Variants in PACRGL observed in about 807,000 individuals in gnomAD.
PACRGL encodes PACRG-like protein.
PACRGL carries 38 observed loss-of-function variants against 34.5 expected under a neutral mutation model. The ratio of observed to expected loss-of-function variants is 1.10; its 90% CI spans 0.85 to 1.44. The LOEUF is 1.44. PACRGL is among the 40% of genes most tolerant of loss of function. PACRGL has a pLI of 0.00. For synonymous variants in PACRGL, 128 were observed against 100.1 expected, an observed-to-expected ratio of 1.28 and a Z score of -1.66; for missense variants, 305 against 281.4, an observed-to-expected ratio of 1.08 and a Z score of -0.60.
Position 20,727,497 on chromosome 4 carries a change from A to G in PACRGL, c.*156A>G. The G allele has an allele frequency of 1.8e-6, 1 of 564,620 alleles. No homozygotes were observed. The highest frequency in any genetic ancestry group is 3.1e-6 in the Non-Finnish European group (1 of 321,542). The allele number at this position is 564,620 out of a possible 1,614,324, so 35.0% of individuals were successfully genotyped here. A position where few individuals can be genotyped will look rare whatever the true frequency, so the allele number is the denominator to read the frequency against. On this transcript the variant is annotated 3_prime_UTR_variant, in exon 9 of 9. Transcript: ENST00000503585. Reference sequence around the variant, plus strand: ...CACTGAATCAAAGTTATTCATCAACAAAAAAGAACAGTTACTAATGGAAAG... The same window carrying G: ...CACTGAATCAAAGTTATTCATCAACGAAAAAGAACAGTTACTAATGGAAAG...
Position 20,730,197 on chromosome 4 carries a change from C to G in PACRGL, c.*2856C>G. The G allele has an allele frequency of 6.6e-7, 1 of 1,514,898 alleles. No homozygotes were observed. The highest frequency in any genetic ancestry group is 8.9e-7 in the Non-Finnish European group (1 of 1,129,566). The allele number at this position is 1,514,898 out of a possible 1,614,324, so 93.8% of individuals were successfully genotyped here. On this transcript the variant is annotated 3_prime_UTR_variant, in exon 9 of 9. Transcript: ENST00000503585. Reference sequence around the variant, plus strand: ...CAAGGAAAAGTACACTATTTTGCCCCTGAGTATTGCCTCCTCCCATCAACC... The same window carrying G: ...CAAGGAAAAGTACACTATTTTGCCCGTGAGTATTGCCTCCTCCCATCAACC...
rs535440048 is a variant in PACRGL, at chr4:20,716,580, C to T, written c.609+3041C>T. Among the ~76,000 whole-genome samples, 160 of 152,138 alleles carry T rather than the reference C, an allele frequency of 1.1e-3. 2 individuals are homozygous for T. Among genetic ancestry groups the T allele is most frequent in the African/African-American group, 3.6e-3 (148 of 41,512 alleles). On this transcript the variant is annotated intron_variant, in intron 7 of 8. Transcript: ENST00000503585. The stretch of plus-strand genomic sequence containing the variant: ...TTCCCACCTATGAGTGAGAACATGC[C>T]GTGTTTGGTTTTCTGTCCTTGAGCT...
chr4:20,721,083 A>C (rs1742870238), intron 7 of PACRGL, among the ~76,000 whole-genome samples: 1 of 152,006 alleles, frequency 6.6e-6, no homozygotes, highest in African/African-American at 2.4e-5. Flanking sequence ...TTTGATCTTC[A>C]ATCACTGATA....
rs762698250 is a variant in PACRGL at position 20,730,060 on chromosome 4, G to A, written c.*2719G>A. Reference sequence around the variant, plus strand: ...TAGAATAGTTCACATTTGTCTGTTGGATTCAGGATCTATTTGACAAGTTAA... The same window carrying A: ...TAGAATAGTTCACATTTGTCTGTTGAATTCAGGATCTATTTGACAAGTTAA... On this transcript the variant is annotated 3_prime_UTR_variant, in exon 9 of 9. Transcript: ENST00000503585. 4 of 1,602,340 alleles carry A rather than the reference G, an allele frequency of 2.5e-6. No individual in the cohort carries two copies. The South Asian group carries it at 4.5e-5, about 18-fold the overall frequency.
At chr4:20,698,595 T>C (rs1731350168), upstream of PACRGL, among the ~76,000 whole-genome samples, 1 of 152,222 alleles carries the variant, frequency 6.6e-6, no homozygotes, top group Admixed American at 6.5e-5. Context: ...CACCCACCAC[T>C]TATTGCATAA....
At chr4:20,739,715 A>G (rs1376879498) in intron 8 of PACRGL, among the ~76,000 whole-genome samples, 8 of 152,178 alleles carry the variant, frequency 5.3e-5, no homozygotes, top group African/African-American at 1.7e-4. Flanking sequence ...CTCGCCAGCA[A>G]TGGAACAAAG....
At position 20,712,903 on chromosome 4, in the gene PACRGL, C is replaced by G. The variant is rs1737983459; in HGVS notation, c.482C>G (p.Pro161Arg). 1 of 1,586,154 alleles carries G rather than the reference C, an allele frequency of 6.3e-7. No individual in the cohort carries two copies. The highest frequency in any genetic ancestry group is 1.3e-5 in the African/African-American group (1 of 74,164). Reference protein sequence around the residue: ...KAIPLLPRLIPVLKAALVHSD... With the variant: ...KAIPLLPRLIRVLKAALVHSD... ...ATTCCTTTGCTACCTAGACTGATTC[C>G]TGTGCTAAAGGCAGCTCTGGTATGT... The change falls in exon 6 of 9, where the codon CCT (proline) becomes CGT (arginine). Residue 161 changes from proline to arginine, a missense_variant. Coordinates refer to ENST00000503585, the MANE Select transcript of PACRGL (RefSeq NM_001258345.3).
intron 7 of PACRGL, among the ~76,000 whole-genome samples, chr4:20,722,836 C>T (rs759526607): frequency 5.3e-5 from 8 of 152,156 alleles, no homozygotes; most frequent in Non-Finnish European, 1.2e-4. Context: ...ATACCGCATA[C>T]TGATAGAAAA....
At chr4:20,717,861 A>G (rs1009623143) in intron 7 of PACRGL, among the ~76,000 whole-genome samples, 3 of 152,092 alleles carry the variant, frequency 2.0e-5, no homozygotes, top group African/African-American at 7.2e-5. Context: ...TTCTTTTCCA[A>G]TTCTGTGAAG....
chr4:20,736,186 G>T (rs183541537), downstream of PACRGL, among the ~76,000 whole-genome samples: 2 of 152,110 alleles, frequency 1.3e-5, no homozygotes, highest in South Asian at 2.1e-4. Flanking sequence ...AGGAATTTTT[G>T]TGCATACACA....
At chr4:20,756,492 TAA>T (rs1380179811), downstream of PACRGL, among the ~76,000 whole-genome samples, 1 of 152,186 alleles carries the variant, frequency 6.6e-6, no homozygotes, top group East Asian at 1.9e-4. Flanking sequence ...CATTAAAAGA[TAA>T]AGTCTTCCAC....
chr4:20,742,493 A>G (rs1039051867), intron 8 of PACRGL, among the ~76,000 whole-genome samples: 2 of 152,232 alleles, frequency 1.3e-5, no homozygotes, highest in African/African-American at 2.4e-5. Context: ...CAGACACAGA[A>G]GAGGCCTTTG....
downstream of PACRGL, among the ~76,000 whole-genome samples, chr4:20,733,403 AAAAAT>A (rs1346780080): frequency 6.6e-6 from 1 of 152,224 alleles, no homozygotes; most frequent in Non-Finnish European, 1.5e-5. Flanking sequence ...TTATGAGAGT[AAAAAT>A]AATCTCTAAT....
At chr4:20,758,872 C>G in the PACRGL span, 1 of 1,613,108 alleles carries the variant, frequency 6.2e-7, no homozygotes, top group Non-Finnish European at 8.5e-7. Flanking sequence ...TCTTCATTAA[C>G]AACACCACTG....
downstream of PACRGL, among the ~76,000 whole-genome samples, chr4:20,733,293 G>C (rs1031909905): frequency 6.6e-6 from 1 of 152,096 alleles, no homozygotes; most frequent in Non-Finnish European, 1.5e-5. Flanking sequence ...AGTCACATGT[G>C]AAGACTAGTC....
At chr4:20,732,895 T>A (rs1748680124), downstream of PACRGL, 1 of 660,168 alleles carries the variant, frequency 1.5e-6, no homozygotes, top group Non-Finnish European at 2.6e-6. Context: ...ACTTTTTGTT[T>A]GTTGGATTCT....
Position 20,713,420 on chromosome 4 carries a change from C to A in PACRGL, c.502-12C>A, listed in dbSNP as rs1201801705. ...TGATGTCCATACATCCCCCAACTAA[C>A]CAACCTTACAGGTCCATTCGGATGA... On this transcript the variant is annotated splice_polypyrimidine_tract_variant and intron_variant, in intron 6 of 8. Transcript: ENST00000503585. The A allele has an allele frequency of 6.2e-7, 1 of 1,608,290 alleles. No individual in the cohort carries two copies.
chr4:20,764,383 T>C, the PACRGL span, among the ~76,000 whole-genome samples: 1 of 152,050 alleles, frequency 6.6e-6, no homozygotes, highest in Admixed American at 6.6e-5. Context: ...TAATAATGCA[T>C]CCATTGAACT....
intron 8 of PACRGL, 76 bp from the exon 9 acceptor site, chr4:20,727,209 A>G: frequency 1.6e-6 from 2 of 1,289,182 alleles, no homozygotes; most frequent in South Asian, 1.3e-5. Context: ...CTTTCTAGGC[A>G]TATTCCTGCA....
Sources: allele counts gnomAD v4.1 joint callset (sites outside exome capture counted in the v4.1 genomes callset), GRCh38; gene constraint gnomAD v4.1.1; transcripts MANE v1.5; gene names NCBI Gene and HGNC (gene_info 2026-07-23, HGNC 2026-07-21).